The following FOXK1 variants were observed in gnomAD, a reference collection of about 807,000 sequenced individuals.
FOXK1 encodes forkhead box protein K1.
In FOXK1, 19 loss-of-function variants were observed where a neutral mutation model predicts 51.9. That is an observed-to-expected ratio of 0.37 (90% CI 0.26 to 0.54). The LOEUF (loss-of-function observed/expected upper bound fraction) is 0.54, where lower values mean the gene tolerates loss of function less well. FOXK1 is among the 20% of genes least tolerant of loss of function. The pLI, the probability that FOXK1 is intolerant of heterozygous loss-of-function variation, is 0.87. For synonymous variants in FOXK1, 537 were observed against 482.6 expected, an observed-to-expected ratio of 1.11 and a Z score of -1.48; for missense variants, 870 against 1,032.7, an observed-to-expected ratio of 0.84 and a Z score of 2.16.
chr7:4,705,042 G>A, intron 1 of FOXK1, among the ~76,000 whole-genome samples: 1 of 151,874 alleles, frequency 6.6e-6, no homozygotes, highest in Non-Finnish European at 1.5e-5. Flanking sequence ...CTGTTGGCCA[G>A]GCTGGTCTCG....
At chr7:4,724,903 C>A (rs902367716) in intron 1 of FOXK1, among the ~76,000 whole-genome samples, 2 of 152,228 alleles carry the variant, frequency 1.3e-5, no homozygotes, top group African/African-American at 4.8e-5. Flanking sequence ...TTGCTGGCCC[C>A]CAGCTGCAAG....
At chr7:4,757,414 G>C (rs1040277124) in intron 5 of FOXK1, among the ~76,000 whole-genome samples, 1 of 152,016 alleles carries the variant, frequency 6.6e-6, no homozygotes, top group Non-Finnish European at 1.5e-5. Flanking sequence ...GATCACCTGA[G>C]GTCAGGGGTT....
rs77771179 is a variant in FOXK1, at chr7:4,684,693, A to G, written c.560+1825A>G. Among the ~76,000 whole-genome samples the G allele has an allele frequency of 8.0e-3, 1,212 of 152,248 alleles. 18 individuals are homozygous for G. Among genetic ancestry groups the G allele is most frequent in the African/African-American group, 0.027 (1,107 of 41,550 alleles). ...CCCCCCTTAGAGGCCTGCTTTACAG[A>G]CGCACCTTTATATAACTCAGGTTCA... On this transcript the variant is annotated intron_variant, in intron 1 of 8. Coordinates refer to ENST00000328914, the MANE Select transcript of FOXK1 (RefSeq NM_001037165.2).
In FOXK1 at chr7:4,761,352, G is replaced by C; in HGVS notation, c.1921+64G>C. Reference sequence around the variant, plus strand: ...CTCTGTGGCTCCCAGTAGTCAGTGCGGCATGAGAATGTTCTCCCAGTATCT... The same window carrying C: ...CTCTGTGGCTCCCAGTAGTCAGTGCCGCATGAGAATGTTCTCCCAGTATCT... On this transcript the variant is annotated intron_variant, in intron 8 of 8. Transcript: ENST00000328914. The surrounding 1 kb of genome is among the most constrained non-coding windows in gnomAD (Gnocchi z 6.2). 1 of 1,477,288 alleles carries C rather than the reference G, an allele frequency of 6.8e-7. No homozygotes were observed. Among genetic ancestry groups the C allele is most frequent in the Non-Finnish European group, 9.2e-7 (1 of 1,081,936 alleles). 91.5% of individuals were successfully genotyped at this position (1,477,288 alleles called of 1,614,324 possible).
Position 4,762,257 on chromosome 7 carries a change from C to T in FOXK1, c.1995C>T (p.Cys665=), listed in dbSNP as rs201501146. 1.5e-5 allele frequency: 24 copies of T among 1,551,714 alleles called. No homozygotes were observed. The Admixed American group carries it at 1.8e-4, about 11-fold the overall frequency. The change falls in exon 9 of 9, where the codon TGC becomes TGT. Residue 665 remains cysteine (C), a synonymous_variant. Coordinates refer to ENST00000328914, the MANE Select transcript of FOXK1 (RefSeq NM_001037165.2). This position sits in a 1 kb window ranked among gnomAD's most constrained non-coding sequence, Gnocchi z 5.7. ...CGCCGGTGGTGGTCACCCGGGTGTG[C>T]GAGGTGGGGCCCAAGGAGCCAGCAG... ...SSAPVVVTRV[C]EVGPKEPAAA...
rs1780806854 is a variant in FOXK1 at position 4,753,637 on chromosome 7, G to T, written c.747-822G>T. 1.3e-5 allele frequency among the ~76,000 whole-genome samples: 2 copies of T among 152,178 alleles called. No individual in the cohort carries two copies. The highest frequency in any genetic ancestry group is 6.5e-5 in the Admixed American group (1 of 15,280). On this transcript the variant is annotated intron_variant, in intron 2 of 8. Coordinates refer to ENST00000328914, the MANE Select transcript of FOXK1 (RefSeq NM_001037165.2). The surrounding 1 kb of genome is among the most constrained non-coding windows in gnomAD (Gnocchi z 4.9). ...GCACCCACTCTTCGTGTCTTCATTG[G>T]CTTTCTCTGAATACCTGTAATAGAA...
Position 4,683,062 on chromosome 7 carries a change from A to T in FOXK1, c.560+194A>T, listed in dbSNP as rs1583176375. On this transcript the variant is annotated intron_variant, in intron 1 of 8. Coordinates refer to ENST00000328914, the MANE Select transcript of FOXK1 (RefSeq NM_001037165.2). The surrounding 1 kb of genome is among the most constrained non-coding windows in gnomAD (Gnocchi z 4.5). ...CCCCGCCTCCTGGCTCCCTAGGATC[A>T]CCCCGACCCCGATCCTGGAGGCTCC... Among the ~76,000 whole-genome samples the T allele has an allele frequency of 8.8e-6, 1 of 113,142 alleles. No homozygotes were observed. The highest frequency in any genetic ancestry group is 1.8e-5 in the Non-Finnish European group (1 of 55,878). 74.2% of individuals were successfully genotyped at this position (113,142 alleles called of 152,430 possible).
chr7:4,697,741 CTGTGT>C (rs1463373138), intron 1 of FOXK1, among the ~76,000 whole-genome samples: 2 of 135,598 alleles, frequency 1.5e-5, no homozygotes, highest in Non-Finnish European at 3.1e-5. Flanking sequence ...GAAAGATAGG[CTGTGT>C]GTGTGTGTGT....
Position 4,733,030 on chromosome 7 carries a change from T to TCTCCTGCACAGCTCTGGG in FOXK1, c.561-7794_561-7777dup, listed in dbSNP as rs1234280740. Among the ~76,000 whole-genome samples the TCTCCTGCACAGCTCTGGG allele has an allele frequency of 2.6e-5, 4 of 152,166 alleles. No individual in the cohort carries two copies. The highest frequency in any genetic ancestry group is 4.8e-5 in the African/African-American group (2 of 41,444). ...AACTTTCTCCTGAGAGCCCTGGCTC[T>TCTCCTGCACAGCTCTGGG]CTCCTGCACAGCTCTGGGCTCCTGC... On this transcript the variant is annotated intron_variant, in intron 1 of 8. Transcript: ENST00000328914. The surrounding 1 kb of genome is among the most constrained non-coding windows in gnomAD (Gnocchi z 5.0).
intron 1 of FOXK1, among the ~76,000 whole-genome samples, chr7:4,696,290 G>A (rs1311851699): frequency 1.3e-5 from 2 of 152,106 alleles, no homozygotes; most frequent in Non-Finnish European, 2.9e-5. Flanking sequence ...TGCTGATGTA[G>A]GGGAAATAAA....
chr7:4,713,023 G>A (rs1780193799), intron 1 of FOXK1, among the ~76,000 whole-genome samples: 1 of 152,212 alleles, frequency 6.6e-6, no homozygotes, highest in African/African-American at 2.4e-5. Flanking sequence ...AAGGGGGCAT[G>A]CCTTCTTCCT....
rs1188538319 is a variant in FOXK1 at position 4,766,373 on chromosome 7, T to C, written c.*3909T>C. On this transcript the variant is annotated 3_prime_UTR_variant, in exon 9 of 9. Transcript: ENST00000328914. The surrounding 1 kb of genome is among the most constrained non-coding windows in gnomAD (Gnocchi z 5.5). The stretch of plus-strand genomic sequence containing the variant: ...CCCTATCCAGAGACCCTCCAGGCAG[T>C]GCTGGGAAGACACTGGTGGCGGGGA... 6.6e-6 allele frequency: 1 copy of C among 152,150 alleles called. No homozygotes were observed. Among genetic ancestry groups the C allele is most frequent in the Admixed American group, 6.5e-5 (1 of 15,272 alleles). The allele number at this position is 152,150 out of a possible 1,614,324, so 9.4% of individuals were successfully genotyped here. A position where few individuals can be genotyped will look rare whatever the true frequency, so the allele number is the denominator to read the frequency against.
At chr7:4,704,956 C>T (rs1392034154) in intron 1 of FOXK1, among the ~76,000 whole-genome samples, 2 of 151,514 alleles carry the variant, frequency 1.3e-5, no homozygotes, top group Admixed American at 6.6e-5. Context: ...CTCAGCCTCC[C>T]GAGTAGCTGG....
Position 4,762,114 on chromosome 7 carries a change from T to C in FOXK1, c.1922-70T>C. On this transcript the variant is annotated intron_variant, in intron 8 of 8. Transcript: ENST00000328914. The surrounding 1 kb of genome is among the most constrained non-coding windows in gnomAD (Gnocchi z 5.7). ...CCGGCTTGGTGGCTTAGCCCCTGTA[T>C]AGGGGACTTGAAAAAAGCAGCTGGG... 1.3e-6 allele frequency: 2 copies of C among 1,490,270 alleles called. No homozygotes were observed. Among genetic ancestry groups the C allele is most frequent in the Non-Finnish European group, 1.8e-6 (2 of 1,108,902 alleles). 92.3% of individuals were successfully genotyped at this position (1,490,270 alleles called of 1,614,324 possible).
intron 1 of FOXK1, among the ~76,000 whole-genome samples, chr7:4,692,297 C>T (rs781173919): frequency 1.3e-5 from 2 of 152,178 alleles, no homozygotes; most frequent in African/African-American, 2.4e-5. Context: ...CAGCCTCCTG[C>T]AGATACGTAG....
chr7:4,727,396 A>C (rs1039540837), intron 1 of FOXK1, among the ~76,000 whole-genome samples: 1 of 151,704 alleles, frequency 6.6e-6, no homozygotes, highest in African/African-American at 2.4e-5. Context: ...GCTCATTGCA[A>C]CCTTCGCCTC....
intron 1 of FOXK1, among the ~76,000 whole-genome samples, chr7:4,717,233 AGAGGCATGTGGCTGGAAGGTGGTGGCGG>A (rs1396612905): frequency 6.6e-5 from 3 of 45,506 alleles, no homozygotes; most frequent in Non-Finnish European, 4.3e-5. Flanking sequence ...GGTGGTGGCG[AGAGGCATGTGGCTGGAAGGTGGTGGCGG>A]GAGGCATATG....
chr7:4,684,669 C>T (rs1371363528), intron 1 of FOXK1, among the ~76,000 whole-genome samples: 1 of 152,164 alleles, frequency 6.6e-6, no homozygotes, highest in African/African-American at 2.4e-5. Flanking sequence ...CTCCCCAGGC[C>T]CCCCTTAGAG....
At chr7:4,713,564 T>C (rs1310250635) in intron 1 of FOXK1, among the ~76,000 whole-genome samples, 1 of 151,674 alleles carries the variant, frequency 6.6e-6, no homozygotes, top group Non-Finnish European at 1.5e-5. Flanking sequence ...CGATCTCGGC[T>C]CACCACAACC....
Sources: gnomAD v4.1 joint callset for allele counts (sites outside exome capture counted in the v4.1 genomes callset) on GRCh38, gnomAD v4.1.1 for gene constraint, Gnocchi (gnomAD v3.1) non-coding constraint, MANE v1.5 for transcripts, NCBI Gene and HGNC (gene_info 2026-07-23, HGNC 2026-07-21) for gene names.